Variants in TENM1 observed in about 807,000 individuals in gnomAD.
TENM1 encodes the protein teneurin-1.
A neutral mutation model predicts 174.8 loss-of-function variants in TENM1; 35 were observed. The observed-to-expected ratio is 0.20, with a 90% CI of 0.15 to 0.27. The LOEUF (loss-of-function observed/expected upper bound fraction) is 0.27. Ranked by LOEUF, TENM1 falls within the 10% of genes least tolerant of loss-of-function variation. TENM1 has a pLI of 1.00. For synonymous variants in TENM1, 781 were observed against 798.7 expected, an observed-to-expected ratio of 0.98 and a Z score of 0.37; for missense variants, 1,633 against 2,130.1, an observed-to-expected ratio of 0.77 and a Z score of 4.59.
chrX:124,380,937 C>T, exon 32 of TENM1: 1 of 1,211,735 alleles, frequency 8.3e-7, no homozygotes, highest in Non-Finnish European at 1.1e-6. Context: ...ATCCGCCTCC[C>T]CCCAGTGTTA....
rs764267378 is a variant in TENM1 at position 124,523,537 on chromosome X, G to A, written c.2860C>T (p.Pro954Ser). 5 of 1,211,553 alleles carry A rather than the reference G, an allele frequency of 4.1e-6. No individual in the cohort carries two copies. The Admixed American group carries it at 6.5e-5, about 16-fold the overall frequency. Residue 954 changes from proline to serine, a missense_variant, in exon 17 of 32, where the codon CCT becomes TCT. Transcript: ENST00000422452. ...TCTACCACAATAAACTGATTCCAAG[G>A]CAACCAGAGTGTTCTCTTCTCAGGC...
chrX:125,114,617 C>CA, the TENM1 span, among the ~76,000 whole-genome samples: 12,649 of 108,136 alleles, frequency 0.12, 739 homozygotes, highest in African/African-American at 0.21. Flanking sequence ...CACTTCTACA[C>CA]AAAAAAAAAC....
At chrX:124,592,535 A>G (rs929949170) in intron 11 of TENM1, among the ~76,000 whole-genome samples, 3 of 106,537 alleles carry the variant, frequency 2.8e-5, no homozygotes, top group Admixed American at 1.0e-4. Context: ...TCCCAGGTTC[A>G]AGCTATTCTC....
At chrX:124,512,691 T>C (rs1017501271) in intron 18 of TENM1, among the ~76,000 whole-genome samples, 1 of 111,719 alleles carries the variant, frequency 9.0e-6, no homozygotes, top group Non-Finnish European at 1.9e-5. Flanking sequence ...TGGTGGTATA[T>C]CCTAGGATCT....
intron 1 of TENM1, among the ~76,000 whole-genome samples, chrX:124,946,145 T>A (rs1449962291): frequency 9.0e-6 from 1 of 111,534 alleles, no homozygotes. Flanking sequence ...ATGAGAGCTA[T>A]CTGATGCAGT....
the TENM1 span, among the ~76,000 whole-genome samples, chrX:124,991,263 C>T: frequency 9.0e-6 from 1 of 111,432 alleles, no homozygotes; most frequent in Non-Finnish European, 1.9e-5. Flanking sequence ...TTCTCTGAAA[C>T]ATATTTCCTC....
At chrX:124,417,187 C>T (rs1292172098) in intron 25 of TENM1, among the ~76,000 whole-genome samples, 2 of 111,473 alleles carry the variant, frequency 1.8e-5, no homozygotes, top group African/African-American at 6.5e-5. Flanking sequence ...GCTGGTTCCT[C>T]TTCATACCCT....
chrX:124,480,218 C>G (rs2046813097), intron 22 of TENM1, among the ~76,000 whole-genome samples: 1 of 111,710 alleles, frequency 9.0e-6, no homozygotes, highest in African/African-American at 3.3e-5. Flanking sequence ...CATGAAAGCA[C>G]TGGAAGCAAA....
intron 3 of TENM1, among the ~76,000 whole-genome samples, chrX:124,780,792 C>A (rs1175163854): frequency 8.9e-6 from 1 of 111,763 alleles, no homozygotes. Flanking sequence ...GATATTAACA[C>A]GACTTGGTCC....
the TENM1 span, among the ~76,000 whole-genome samples, chrX:124,992,324 T>C: frequency 0.06 from 6,682 of 110,496 alleles, 522 homozygotes; most frequent in African/African-American, 0.21. Context: ...TTGCTGGTCA[T>C]GTTTCATCAT....
chrX:124,855,060 A>C (rs1416284314), intron 3 of TENM1, among the ~76,000 whole-genome samples: 2 of 111,598 alleles, frequency 1.8e-5, no homozygotes, highest in Non-Finnish European at 3.8e-5. Flanking sequence ...TAGTCTTATT[A>C]CCTATATAAT....
chrX:125,188,337 C>A, the TENM1 span, among the ~76,000 whole-genome samples: 1 of 108,792 alleles, frequency 9.2e-6, no homozygotes, highest in Non-Finnish European at 1.9e-5. Context: ...GCACTCCAGG[C>A]TGGATGACAG....
chrX:124,442,649 G>A (rs992261004), intron 23 of TENM1, among the ~76,000 whole-genome samples: 1 of 111,598 alleles, frequency 9.0e-6, no homozygotes, highest in African/African-American at 3.3e-5. Flanking sequence ...GGGAAAAGAA[G>A]GTGCCTTTTC....
At chrX:125,186,464 G>A in the TENM1 span, among the ~76,000 whole-genome samples, 1 of 110,844 alleles carries the variant, frequency 9.0e-6, no homozygotes, top group Non-Finnish European at 1.9e-5. Context: ...AGTGCTGGAG[G>A]TGGGGCCTGG....
chrX:124,824,122 T>C (rs1485615063), intron 3 of TENM1, among the ~76,000 whole-genome samples: 1 of 111,683 alleles, frequency 9.0e-6, no homozygotes, highest in Non-Finnish European at 1.9e-5. Context: ...TACATTTAAC[T>C]GCACAAAATG....
At chrX:124,653,471 T>C (rs2051361531) in intron 7 of TENM1, 113 bp downstream of exon 10, 2 of 553,711 alleles carry the variant, frequency 3.6e-6, no homozygotes, top group Non-Finnish European at 5.8e-6. Context: ...TCATGACAAA[T>C]ATTTTTCTGT....
the TENM1 span, among the ~76,000 whole-genome samples, chrX:124,996,488 A>C: frequency 3.7e-5 from 4 of 108,304 alleles, no homozygotes; most frequent in East Asian, 1.2e-3. Flanking sequence ...TCCATGTTAA[A>C]TCAGGAGGGG....
At chrX:125,180,382 T>C in the TENM1 span, among the ~76,000 whole-genome samples, 1 of 101,399 alleles carries the variant, frequency 9.9e-6, no homozygotes, top group Admixed American at 1.1e-4. Context: ...TGGTGACTTT[T>C]AAACCATGTT....
At chrX:124,593,501 G>A (rs760678968) in intron 11 of TENM1, among the ~76,000 whole-genome samples, 1 of 111,232 alleles carries the variant, frequency 9.0e-6, no homozygotes, top group Non-Finnish European at 1.9e-5. Context: ...GGGTGAGGCG[G>A]CTCAGGCTGC....
Sources: allele counts gnomAD v4.1 joint callset (sites outside exome capture counted in the v4.1 genomes callset), GRCh38; gene constraint gnomAD v4.1.1; transcripts MANE v1.5; gene names NCBI Gene and HGNC (gene_info 2026-07-23, HGNC 2026-07-21).